Variants in EML6 observed in about 807,000 individuals in gnomAD.
EML6 encodes EMAP like 6.
A neutral mutation model predicts 240.1 loss-of-function variants in EML6; 154 were observed. The ratio of observed to expected loss-of-function variants is 0.64; its 90% CI spans 0.56 to 0.73. EML6 has a LOEUF of 0.73. Ranked by LOEUF, EML6 falls within the 30% of genes least tolerant of loss-of-function variation. EML6 has a pLI of 0.00. For missense variants in EML6, 2,964 were observed against 2,474.6 expected (o/e 1.20, Z -4.20); for synonymous variants, 1,148 against 899.0 (o/e 1.28, Z -4.95).
At chr2:54,829,521 A>G (rs1668759217) in intron 7 of EML6, 44 bp downstream of exon 7, 2 of 1,477,728 alleles carry the variant, frequency 1.4e-6, no homozygotes, top group Middle Eastern at 1.7e-4. Flanking sequence ...GATGTGAAAT[A>G]TAATGTGAAG....
chr2:54,971,818 ATATT>A lies in EML6; in HGVS notation c.*1726_*1729del, dbSNP rs1266180479. ...TCGATTAATGATGACATGTACAACCATATTTAAAGAGCAATAGTGTCCGTGTGTC... is the reference window on the plus strand; with the variant it reads ...TCGATTAATGATGACATGTACAACCATAAAGAGCAATAGTGTCCGTGTGTC... On this transcript the variant is annotated 3_prime_UTR_variant, in exon 42 of 42. Transcript: ENST00000356458. 6.6e-6 allele frequency: 1 copy of A among 152,254 alleles called. No homozygotes were observed. Among genetic ancestry groups the A allele is most frequent in the Admixed American group, 6.5e-5 (1 of 15,290 alleles). 9.4% of individuals were successfully genotyped at this position (152,254 alleles called of 1,614,324 possible).
At chr2:54,829,307 T>C (rs755030478) in intron 6 of EML6, 35 bp from the exon 7 acceptor site, 4 of 1,544,216 alleles carry the variant, frequency 2.6e-6, no homozygotes, top group South Asian at 2.4e-5. Context: ...CTTAGGATGG[T>C]TGCACCATTG....
intron 28 of EML6, among the ~76,000 whole-genome samples, chr2:54,940,338 A>C (rs935117844): frequency 1.5e-4 from 23 of 152,200 alleles, no homozygotes; most frequent in Admixed American, 6.5e-5. Flanking sequence ...GGCTTAAAAA[A>C]ATTTTATGGG....
At chr2:54,927,975 A>T (rs1256094386) in intron 26 of EML6, among the ~76,000 whole-genome samples, 2 of 152,246 alleles carry the variant, frequency 1.3e-5, no homozygotes, top group Non-Finnish European at 2.9e-5. Flanking sequence ...ACTCACAGTC[A>T]GGAGTTTACA....
chr2:54,961,184 G>GTTGTGTTTTTTTTTTTTTT, intron 35 of EML6, among the ~76,000 whole-genome samples: 1 of 55,424 alleles, frequency 1.8e-5, no homozygotes, highest in Non-Finnish European at 3.2e-5. Flanking sequence ...TCAGGAAGTA[G>GTTGTGTTTTTTTTTTTTTT]TTTTTTTTTT....
At chr2:54,914,999 T>C (rs1230948020) in intron 25 of EML6, among the ~76,000 whole-genome samples, 7 of 152,162 alleles carry the variant, frequency 4.6e-5, no homozygotes, top group Non-Finnish European at 8.8e-5. Context: ...AACCTGTCTG[T>C]GGGCCTCAGT....
chr2:54,791,645 C>G (rs1021391023), intron 2 of EML6, among the ~76,000 whole-genome samples: 1 of 152,176 alleles, frequency 6.6e-6, no homozygotes. Context: ...TTGTTCTTCT[C>G]TCCATGGCTC....
intron 26 of EML6, among the ~76,000 whole-genome samples, chr2:54,920,768 C>A (rs994811351): frequency 2.6e-5 from 4 of 152,204 alleles, no homozygotes; most frequent in Admixed American, 2.0e-4. Context: ...AAACAAAATA[C>A]TACAAACCAA....
Position 54,970,264 on chromosome 2 carries a change from G to C in EML6, c.*169G>C, listed in dbSNP as rs1181048913. The C allele has an allele frequency of 1.0e-5, 7 of 686,646 alleles. No homozygotes were observed. The highest frequency in any genetic ancestry group is 1.8e-5 in the African/African-American group (1 of 55,898). The allele number at this position is 686,646 out of a possible 1,614,324, so 42.5% of individuals were successfully genotyped here. On this transcript the variant is annotated 3_prime_UTR_variant, in exon 42 of 42. Transcript: ENST00000356458. ...GTTACACAACTGCTCCCATAATCTG[G>C]ACTCTCCAAAACCGTGATGCCACGA...
At chr2:54,958,082 C>A in intron 33 of EML6, 84 bp downstream of exon 33, 2 of 1,239,952 alleles carry the variant, frequency 1.6e-6, no homozygotes, top group Non-Finnish European at 2.2e-6. Context: ...GGAGTTTGGC[C>A]AAGAGGCTGA....
At chr2:54,934,924 T>G (rs554670662) in intron 28 of EML6, among the ~76,000 whole-genome samples, 3 of 152,192 alleles carry the variant, frequency 2.0e-5, no homozygotes, top group Admixed American at 2.0e-4. Context: ...TTAAACAAAT[T>G]ACTATTTTAT....
At chr2:54,742,821 C>T (rs1558519520) in intron 2 of EML6, among the ~76,000 whole-genome samples, 4 of 152,200 alleles carry the variant, frequency 2.6e-5, no homozygotes, top group Admixed American at 2.0e-4. Flanking sequence ...AAAGAAACCT[C>T]ACTCTAGGCC....
chr2:54,944,621 C>T (rs1005905745), intron 28 of EML6, among the ~76,000 whole-genome samples: 6 of 152,096 alleles, frequency 3.9e-5, no homozygotes, highest in African/African-American at 7.3e-5. Context: ...AAGTCTAAGA[C>T]GATATCCCCA....
chr2:54,903,314 T>C, intron 23 of EML6, 57 bp from the exon 24 acceptor site: 3 of 1,532,806 alleles, frequency 2.0e-6, no homozygotes, highest in Non-Finnish European at 1.8e-6. Flanking sequence ...ACTAAGTTCC[T>C]GGAAGTAAAT....
chr2:54,931,157 C>T (rs1278720208), intron 28 of EML6, among the ~76,000 whole-genome samples: 1 of 151,974 alleles, frequency 6.6e-6, no homozygotes, highest in Non-Finnish European at 1.5e-5. Context: ...CGGGGTTTCA[C>T]CGTGTTAGCC....
chr2:54,847,407 G>C (rs1248257922), intron 8 of EML6, 79 bp from the exon 9 acceptor site: 36 of 1,442,414 alleles, frequency 2.5e-5, no homozygotes, highest in Non-Finnish European at 3.3e-5. Flanking sequence ...GGTGTGGTGA[G>C]CAGCCCTTCT....
Position 54,953,978 on chromosome 2 carries a change from C to T in EML6, c.4313-5C>T. Reference sequence around the variant, plus strand: ...TACTTCTTTGTCATGCCTCTCCACACTCAGGGACAACACCTTCCATCCACA... The same window carrying T: ...TACTTCTTTGTCATGCCTCTCCACATTCAGGGACAACACCTTCCATCCACA... On this transcript the variant is annotated splice_region_variant and splice_polypyrimidine_tract_variant and intron_variant, in intron 31 of 41. Coordinates refer to ENST00000356458, the MANE Select transcript of EML6 (RefSeq NM_001039753.4). 2.6e-6 allele frequency: 4 copies of T among 1,548,966 alleles called. No individual in the cohort carries two copies. The South Asian group carries it at 4.8e-5, about 19-fold the overall frequency.
chr2:54,927,258 A>G (rs1233789172), intron 26 of EML6, among the ~76,000 whole-genome samples: 1 of 152,222 alleles, frequency 6.6e-6, no homozygotes, highest in African/African-American at 2.4e-5. Flanking sequence ...GGCCAAATAC[A>G]GGGCGATCTT....
intron 25 of EML6, among the ~76,000 whole-genome samples, chr2:54,913,388 T>C (rs1003292890): frequency 1.3e-5 from 2 of 151,886 alleles, no homozygotes; most frequent in Non-Finnish European, 2.9e-5. Context: ...GCTGGGACTG[T>C]AGATGCACAC....
Sources: gnomAD v4.1 joint callset for allele counts (sites outside exome capture counted in the v4.1 genomes callset) on GRCh38, gnomAD v4.1.1 for gene constraint, MANE v1.5 for transcripts, NCBI Gene and HGNC (gene_info 2026-07-23, HGNC 2026-07-21) for gene names.